The following CDH12 variants were observed in gnomAD, a reference collection of about 807,000 sequenced individuals.
CDH12 encodes cadherin-12.
Under a neutral mutation model 74.1 loss-of-function variants are expected in CDH12, and 41 were observed. The observed-to-expected ratio is 0.55, with a 90% CI of 0.43 to 0.72. The LOEUF is 0.72. CDH12 is among the 30% of genes least tolerant of loss of function. The pLI, the probability that CDH12 is intolerant of heterozygous loss-of-function variation, is 0.00. For missense variants in CDH12, 945 were observed against 977.2 expected, an observed-to-expected ratio of 0.97 and a Z score of 0.44; for synonymous variants, 399 against 355.0, an observed-to-expected ratio of 1.12 and a Z score of -1.39.
At position 21,933,414 on chromosome 5, in the gene CDH12, T is replaced by C. The variant is rs563165068; in HGVS notation, c.526+41677A>G. ...GCAGAGCATCCATGATATTTTTTAG[T>C]ATTCCAAAATGCACCTCCAGTAAAT... On this transcript the variant is annotated intron_variant, in intron 6 of 14. Coordinates refer to ENST00000382254, the MANE Select transcript of CDH12 (RefSeq NM_004061.5). Among the ~76,000 whole-genome samples, 8 of 152,290 alleles carry C rather than the reference T, an allele frequency of 5.3e-5. No homozygotes were observed. In the South Asian group the frequency reaches 1.7e-3, roughly 32 times the overall value.
chr5:21,811,774 A>T (rs1225356449), intron 9 of CDH12, among the ~76,000 whole-genome samples: 1 of 141,600 alleles, frequency 7.1e-6, no homozygotes, highest in African/African-American at 2.7e-5. Context: ...AGCAGTTTTT[A>T]TTTTGTTTTG....
chr5:21,817,581 T>C (rs1165963448), intron 8 of CDH12, among the ~76,000 whole-genome samples: 2 of 151,968 alleles, frequency 1.3e-5, no homozygotes, highest in Non-Finnish European at 2.9e-5. Context: ...ATATAGAAAG[T>C]TGAGGTTATA....
chr5:22,751,341 T>C (rs200694607), intron 1 of CDH12, among the ~76,000 whole-genome samples: 14 of 9,122 alleles, frequency 1.5e-3, no homozygotes, highest in African/African-American at 4.1e-3. Flanking sequence ...ATAATATACA[T>C]ATATATATAT....
chr5:22,489,506 T>C (rs762080529), intron 2 of CDH12, among the ~76,000 whole-genome samples: 2 of 152,096 alleles, frequency 1.3e-5, no homozygotes, highest in African/African-American at 2.4e-5. Context: ...CTTTCTACTG[T>C]TGGCATGATT....
chr5:21,947,725 C>T (rs1368940673), intron 6 of CDH12, among the ~76,000 whole-genome samples: 3 of 152,194 alleles, frequency 2.0e-5, no homozygotes, highest in South Asian at 2.1e-4. Flanking sequence ...AATGTTGTTA[C>T]AGTAGCCAAG....
At position 22,441,605 on chromosome 5, in the gene CDH12, C is replaced by CTAG. The variant is rs200544674; in HGVS notation, c.-427-36257_-427-36255dup. ...TTTCTAAATCATTCCAACTCAATGA[C>CTAG]TAGTAGATTAACTCATGTTTTACTT... On this transcript the variant is annotated intron_variant, in intron 2 of 14. Transcript: ENST00000382254. Among the ~76,000 whole-genome samples, 1,130 of 152,184 alleles carry CTAG rather than the reference C, an allele frequency of 7.4e-3. 9 individuals are homozygous for CTAG. The highest frequency in any genetic ancestry group is 0.011 in the Non-Finnish European group (724 of 67,998).
At chr5:21,892,887 T>G (rs1161839591) in intron 6 of CDH12, among the ~76,000 whole-genome samples, 3 of 152,132 alleles carry the variant, frequency 2.0e-5, no homozygotes, top group Admixed American at 1.3e-4. Flanking sequence ...ATAACTTAAT[T>G]GAGGAAGTAA....
chr5:22,687,727 A>G (rs1202409931), intron 1 of CDH12, among the ~76,000 whole-genome samples: 2 of 152,132 alleles, frequency 1.3e-5, no homozygotes, highest in Admixed American at 6.5e-5. Context: ...TGCTCCACAC[A>G]TATTTTAAGT....
At chr5:22,668,126 T>C (rs916976993) in intron 1 of CDH12, among the ~76,000 whole-genome samples, 2 of 152,194 alleles carry the variant, frequency 1.3e-5, no homozygotes, top group Admixed American at 1.3e-4. Flanking sequence ...ATTGTGCTAC[T>C]TAGTCTTTCT....
intron 1 of CDH12, among the ~76,000 whole-genome samples, chr5:22,600,187 T>G (rs144366804): frequency 1.4e-3 from 211 of 152,220 alleles, no homozygotes; most frequent in African/African-American, 4.8e-3. Flanking sequence ...TATAAGATTA[T>G]TATAAGCATT....
intron 6 of CDH12, among the ~76,000 whole-genome samples, chr5:21,908,734 G>T (rs771996726): frequency 6.6e-6 from 1 of 152,110 alleles, no homozygotes; most frequent in African/African-American, 2.4e-5. Context: ...GTGGGAAGGC[G>T]TGCTCATCTT....
chr5:22,378,807 T>A (rs536200412), intron 3 of CDH12, among the ~76,000 whole-genome samples: 11 of 152,230 alleles, frequency 7.2e-5, no homozygotes, highest in Middle Eastern at 3.4e-3. Context: ...GGTTTCTACT[T>A]CAAGCTAAGA....
chr5:22,474,494 C>T (rs565050968), intron 2 of CDH12, among the ~76,000 whole-genome samples: 1 of 152,182 alleles, frequency 6.6e-6, no homozygotes, highest in East Asian at 1.9e-4. Context: ...ATAGAAACTA[C>T]TCATGAGAAA....
chr5:22,707,941 T>A (rs144812756), intron 1 of CDH12, among the ~76,000 whole-genome samples: 1 of 151,716 alleles, frequency 6.6e-6, no homozygotes, highest in Non-Finnish European at 1.5e-5. Context: ...AAAATAAGAG[T>A]TTTTCTTCAG....
chr5:22,067,363 T>C (rs1741635565), intron 5 of CDH12, among the ~76,000 whole-genome samples: 2 of 152,208 alleles, frequency 1.3e-5, no homozygotes, highest in Admixed American at 1.3e-4. Context: ...GCATAAGTTG[T>C]TGCATGTGGT....
chr5:22,807,203 T>C (rs768852594), intron 1 of CDH12, among the ~76,000 whole-genome samples: 5 of 152,216 alleles, frequency 3.3e-5, no homozygotes, highest in Non-Finnish European at 5.9e-5. Flanking sequence ...GTTAGATATT[T>C]ACATAATTGT....
At chr5:22,112,708 G>T (rs1744882629) in intron 4 of CDH12, among the ~76,000 whole-genome samples, 1 of 151,894 alleles carries the variant, frequency 6.6e-6, no homozygotes, top group South Asian at 2.1e-4. Flanking sequence ...AGCCAAGTTT[G>T]CTAGCAATCT....
At chr5:22,757,597 G>T (rs1745993942) in intron 1 of CDH12, among the ~76,000 whole-genome samples, 1 of 152,034 alleles carries the variant, frequency 6.6e-6, no homozygotes, top group Non-Finnish European at 1.5e-5. Flanking sequence ...AACATACATG[G>T]ATACTTAACA....
At chr5:22,013,052 G>A (rs10074199) in intron 5 of CDH12, among the ~76,000 whole-genome samples, 34,988 of 149,856 alleles carry the variant, frequency 0.23, 4,249 homozygotes, top group South Asian at 0.33. Context: ...CAAATTATAC[G>A]GACATGTCAA....
Sources: gnomAD v4.1 joint callset for allele counts (sites outside exome capture counted in the v4.1 genomes callset) on GRCh38, gnomAD v4.1.1 for gene constraint, MANE v1.5 for transcripts, NCBI Gene and HGNC (gene_info 2026-07-23, HGNC 2026-07-21) for gene names.